Variants in FSTL5 observed in about 807,000 individuals in gnomAD.
FSTL5 encodes follistatin-related protein 5.
A neutral mutation model predicts 89.1 loss-of-function variants in FSTL5; 62 were observed. The ratio of observed to expected loss-of-function variants is 0.70; its 90% confidence interval spans 0.57 to 0.86. The LOEUF (loss-of-function observed/expected upper bound fraction) is 0.86. Among genes scored for constraint, FSTL5 ranks in the 40% least tolerant of loss-of-function variants. FSTL5 has a pLI of 0.00. For missense variants in FSTL5, 1,057 were observed against 1,001.6 expected, an observed-to-expected ratio of 1.06 and a Z score of -0.75; for synonymous variants, 383 against 346.2, an observed-to-expected ratio of 1.11 and a Z score of -1.18.
intron 11 of FSTL5, among the ~76,000 whole-genome samples, chr4:161,504,313 G>A (rs1391269156): frequency 6.6e-6 from 1 of 151,880 alleles, no homozygotes; most frequent in Non-Finnish European, 1.5e-5. Context: ...GTTTGTAAAG[G>A]GGTCCTGAGT....
At chr4:162,057,159 G>C (rs545665803) in intron 2 of FSTL5, among the ~76,000 whole-genome samples, 3 of 152,326 alleles carry the variant, frequency 2.0e-5, no homozygotes, top group Middle Eastern at 3.4e-3. Context: ...GAAAGGAGCT[G>C]ACAAGCAGCT....
intron 4 of FSTL5, among the ~76,000 whole-genome samples, chr4:161,826,340 T>G (rs1011334388): frequency 1.3e-5 from 2 of 152,334 alleles, no homozygotes; most frequent in Admixed American, 6.5e-5. Context: ...ATGAATAGAA[T>G]GTATATTCTG....
At chr4:162,105,645 T>G (rs916990491) in intron 2 of FSTL5, among the ~76,000 whole-genome samples, 1 of 152,096 alleles carries the variant, frequency 6.6e-6, no homozygotes, top group Non-Finnish European at 1.5e-5. Context: ...ATTATGAGAT[T>G]TATCAATAAT....
At chr4:161,523,014 A>C (rs933999636) in intron 10 of FSTL5, among the ~76,000 whole-genome samples, 36 of 152,116 alleles carry the variant, frequency 2.4e-4, no homozygotes, top group Admixed American at 5.2e-4. Flanking sequence ...AACTAGAAGA[A>C]ACATTTATGG....
intron 4 of FSTL5, among the ~76,000 whole-genome samples, chr4:161,782,055 T>C (rs944426555): frequency 6.6e-6 from 1 of 152,162 alleles, no homozygotes; most frequent in Non-Finnish European, 1.5e-5. Flanking sequence ...TTCCAGCATG[T>C]CTTTTCATGA....
intron 7 of FSTL5, among the ~76,000 whole-genome samples, chr4:161,651,914 A>G (rs932690685): frequency 6.6e-6 from 1 of 152,198 alleles, no homozygotes; most frequent in Non-Finnish European, 1.5e-5. Flanking sequence ...TCAATTGAAT[A>G]TCAATTAGTC....
intron 2 of FSTL5, among the ~76,000 whole-genome samples, chr4:162,034,223 ATAAT>A: frequency 6.6e-6 from 1 of 152,260 alleles, no homozygotes; most frequent in East Asian, 1.9e-4. Flanking sequence ...TGAATAATAA[ATAAT>A]CATGCCTCTC....
intron 8 of FSTL5, among the ~76,000 whole-genome samples, chr4:161,576,402 C>G (rs931188060): frequency 5.3e-5 from 8 of 152,148 alleles, no homozygotes; most frequent in African/African-American, 1.9e-4. Context: ...AGGCATCACG[C>G]TATCTGACTT....
At chr4:161,685,652 A>G (rs1021675220) in intron 6 of FSTL5, among the ~76,000 whole-genome samples, 1 of 152,188 alleles carries the variant, frequency 6.6e-6, no homozygotes, top group Non-Finnish European at 1.5e-5. Flanking sequence ...CAGTTCTAGA[A>G]GCTTTTTGGA....
chr4:161,830,453 G>T (rs181945520), intron 4 of FSTL5, among the ~76,000 whole-genome samples: 1 of 151,980 alleles, frequency 6.6e-6, no homozygotes, highest in Admixed American at 6.6e-5. Context: ...TAAAGATTTT[G>T]ATTAAAAATG....
intron 15 of FSTL5, among the ~76,000 whole-genome samples, chr4:161,451,682 AC>A (rs1300832957): frequency 2.0e-5 from 3 of 152,218 alleles, no homozygotes; most frequent in African/African-American, 7.2e-5. Flanking sequence ...AATTCTTATT[AC>A]TGTAGTTACT....
At chr4:161,757,787 T>G (rs1230101229) in intron 6 of FSTL5, among the ~76,000 whole-genome samples, 1 of 151,896 alleles carries the variant, frequency 6.6e-6, no homozygotes, top group Non-Finnish European at 1.5e-5. Flanking sequence ...CCCGACTAAT[T>G]TTTGTATTTT....
chr4:161,409,610 C>G (rs1731517751), intron 15 of FSTL5, among the ~76,000 whole-genome samples: 1 of 152,032 alleles, frequency 6.6e-6, no homozygotes, highest in Non-Finnish European at 1.5e-5. Flanking sequence ...TCGAACTCAT[C>G]ACCTCGTGAT....
intron 15 of FSTL5, among the ~76,000 whole-genome samples, chr4:161,407,604 C>T (rs2110925226): frequency 7.9e-6 from 1 of 126,372 alleles, no homozygotes; most frequent in Non-Finnish European, 1.8e-5. Flanking sequence ...GCAAGGGGAT[C>T]TCCCTGGAGA....
intron 10 of FSTL5, among the ~76,000 whole-genome samples, chr4:161,520,190 T>C (rs1184330788): frequency 1.3e-5 from 2 of 151,924 alleles, no homozygotes; most frequent in African/African-American, 4.8e-5. Flanking sequence ...ATTAAGATGG[T>C]AAAGCTTTAA....
intron 6 of FSTL5, among the ~76,000 whole-genome samples, chr4:161,718,943 T>C (rs994835129): frequency 6.6e-6 from 1 of 152,206 alleles, no homozygotes; most frequent in Non-Finnish European, 1.5e-5. Context: ...AAATTCACAG[T>C]TCTTGCTTTA....
chr4:161,965,729 C>T (rs1474810691), intron 3 of FSTL5, among the ~76,000 whole-genome samples: 2 of 151,998 alleles, frequency 1.3e-5, no homozygotes, highest in Non-Finnish European at 2.9e-5. Context: ...GCTCACTGGG[C>T]CCTTGTTCAT....
chr4:162,001,212 T>C (rs1258783009), intron 3 of FSTL5, among the ~76,000 whole-genome samples: 1 of 152,198 alleles, frequency 6.6e-6, no homozygotes, highest in Non-Finnish European at 1.5e-5. Context: ...ATTGTCTCTC[T>C]TTATCCCATT....
intron 5 of FSTL5, among the ~76,000 whole-genome samples, chr4:161,772,078 T>C (rs1003637431): frequency 2.0e-5 from 3 of 152,138 alleles, no homozygotes; most frequent in African/African-American, 7.2e-5. Flanking sequence ...TTTATGTCTT[T>C]TTTTTCTCAA....
Sources: gnomAD v4.1 joint callset for allele counts (sites outside exome capture counted in the v4.1 genomes callset) on GRCh38, gnomAD v4.1.1 for gene constraint, MANE v1.5 for transcripts, NCBI Gene and HGNC (gene_info 2026-07-23, HGNC 2026-07-21) for gene names.